Variants in SIDT1 observed in about 807,000 individuals in gnomAD.
SIDT1 encodes the protein SID1 transmembrane family member 1.
A neutral mutation model predicts 107.5 loss-of-function variants in SIDT1; 101 were observed. The observed-to-expected ratio is 0.94, with a 90% CI of 0.80 to 1.11. SIDT1 has a LOEUF of 1.11. SIDT1 is among the 50% of genes least tolerant of loss of function. The pLI is 0.00. For synonymous variants in SIDT1, 395 were observed against 398.2 expected, an observed-to-expected ratio of 0.99 and a Z score of 0.10; for missense variants, 1,076 against 1,058.2, an observed-to-expected ratio of 1.02 and a Z score of -0.23.
intron 20 of SIDT1, among the ~76,000 whole-genome samples, chr3:113,617,935 T>A (rs1199458229): frequency 1.3e-5 from 2 of 152,224 alleles, no homozygotes; most frequent in Admixed American, 1.3e-4. Context: ...GACACATCAT[T>A]ACTACCCATG....
At chr3:113,548,306 A>G (rs1309887396) in intron 1 of SIDT1, among the ~76,000 whole-genome samples, 1 of 152,172 alleles carries the variant, frequency 6.6e-6, no homozygotes, top group Non-Finnish European at 1.5e-5. Context: ...TGAGAAATAC[A>G]TAATGTTGTG....
intron 3 of SIDT1, among the ~76,000 whole-genome samples, chr3:113,573,697 G>C (rs1273443174): frequency 2.0e-5 from 3 of 152,146 alleles, no homozygotes; most frequent in Admixed American, 6.5e-5. Context: ...AGAGTCCCCA[G>C]AAAGGCCCTC....
rs1251525475 is a variant in SIDT1, at chr3:113,593,988, C to T, written c.1045+940C>T. ...ATTTTTGAAAAACCTAAACTCAGTG[C>T]TCATAGGTTATTTGGCATAGAGCAA... is the stretch of plus-strand genomic sequence containing the variant. On this transcript the variant is annotated intron_variant, in intron 10 of 24. Coordinates refer to ENST00000264852, the MANE Select transcript of SIDT1 (RefSeq NM_017699.3). 2.0e-5 allele frequency among the ~76,000 whole-genome samples: 3 copies of T among 152,078 alleles called. No homozygotes were observed. In the East Asian group the frequency reaches 5.8e-4, roughly 29 times the overall value.
chr3:113,612,016 A>C, intron 18 of SIDT1, 70 bp from the exon 19 acceptor site: 1 of 1,099,274 alleles, frequency 9.1e-7, no homozygotes, highest in Non-Finnish European at 1.4e-6. Context: ...CACATACAGG[A>C]GAGAGGATGA....
chr3:113,562,064 C>A (rs890073961), intron 1 of SIDT1, among the ~76,000 whole-genome samples: 3 of 152,172 alleles, frequency 2.0e-5, no homozygotes, highest in African/African-American at 7.2e-5. Flanking sequence ...TTCTGCCAGG[C>A]ACCAAGGATG....
intron 24 of SIDT1, among the ~76,000 whole-genome samples, chr3:113,626,844 C>T (rs780973548): frequency 2.0e-5 from 3 of 152,250 alleles, no homozygotes; most frequent in Middle Eastern, 3.4e-3. Context: ...TAGGCAGGTT[C>T]AATTGACAAT....
In SIDT1 at chr3:113,612,317, A is replaced by G. The variant is rs1945815626; in HGVS notation, c.1966+123A>G. The stretch of plus-strand genomic sequence containing the variant: ...ACCGTGAACACATGCTCTGAATTCT[A>G]TGCCATGTTTAATAGCACATATTCG... On this transcript the variant is annotated intron_variant, in intron 19 of 24. Transcript: ENST00000264852. 12 of 747,900 alleles carry G rather than the reference A, an allele frequency of 1.6e-5. No homozygotes were observed. The South Asian group carries it at 1.8e-4, about 11-fold the overall frequency. The allele number at this position is 747,900 out of a possible 1,614,324, so 46.3% of individuals were successfully genotyped here.
intron 23 of SIDT1, among the ~76,000 whole-genome samples, chr3:113,624,432 T>C (rs1425595820): frequency 6.6e-6 from 1 of 152,236 alleles, no homozygotes; most frequent in Non-Finnish European, 1.5e-5. Flanking sequence ...TACATAGTAC[T>C]TCATGTCTAT....
intron 1 of SIDT1, among the ~76,000 whole-genome samples, chr3:113,537,369 A>T (rs950717681): frequency 6.6e-6 from 1 of 152,214 alleles, no homozygotes; most frequent in African/African-American, 2.4e-5. Flanking sequence ...AAGCCTACCC[A>T]GTCCTTAAGA....
chr3:113,544,806 C>T (rs1939389715), intron 1 of SIDT1, among the ~76,000 whole-genome samples: 1 of 152,014 alleles, frequency 6.6e-6, no homozygotes, highest in Non-Finnish European at 1.5e-5. Context: ...TACTGTTTCC[C>T]TTTTATAATT....
intron 1 of SIDT1, among the ~76,000 whole-genome samples, chr3:113,551,279 C>A (rs1027711189): frequency 6.6e-6 from 1 of 152,150 alleles, no homozygotes; most frequent in African/African-American, 2.4e-5. Context: ...GGCATATACC[C>A]AGTAATGTGA....
chr3:113,584,351 C>G (rs1371534123), intron 7 of SIDT1, among the ~76,000 whole-genome samples: 1 of 152,212 alleles, frequency 6.6e-6, no homozygotes, highest in African/African-American at 2.4e-5. Flanking sequence ...GAGGTAGCTT[C>G]TGTTTTCACA....
At chr3:113,571,705 G>A (rs545956884) in intron 3 of SIDT1, among the ~76,000 whole-genome samples, 3 of 152,294 alleles carry the variant, frequency 2.0e-5, no homozygotes, top group African/African-American at 4.8e-5. Context: ...AGACCAAGGC[G>A]GGCAGATCAC....
chr3:113,599,667 T>A (rs752274015), intron 10 of SIDT1, among the ~76,000 whole-genome samples: 1 of 152,158 alleles, frequency 6.6e-6, no homozygotes, highest in Non-Finnish European at 1.5e-5. Flanking sequence ...CTCTCTTATA[T>A]GTGAAATCTT....
intron 1 of SIDT1, among the ~76,000 whole-genome samples, chr3:113,559,343 A>G (rs1327494138): frequency 6.6e-6 from 1 of 152,182 alleles, no homozygotes. Flanking sequence ...TGTTGCAAAC[A>G]TGGTATTGTC....
At chr3:113,626,347 T>C (rs1946850181) in intron 24 of SIDT1, 132 bp downstream of exon 24, 2 of 599,804 alleles carry the variant, frequency 3.3e-6, no homozygotes, top group South Asian at 2.1e-5. Flanking sequence ...TGTAATTCAA[T>C]GTACAGACCA....
At chr3:113,605,200 G>A (rs1034655452) in intron 14 of SIDT1, among the ~76,000 whole-genome samples, 2 of 148,414 alleles carry the variant, frequency 1.3e-5, no homozygotes, top group Admixed American at 6.9e-5. Flanking sequence ...TCGGCTCACT[G>A]CAACCTCTGC....
chr3:113,580,021 T>C (rs1943208007), intron 4 of SIDT1, among the ~76,000 whole-genome samples: 1 of 152,218 alleles, frequency 6.6e-6, no homozygotes, highest in Admixed American at 6.5e-5. Flanking sequence ...CAATTGTGAA[T>C]GTATTTCTGG....
chr3:113,613,986 G>T (rs1945930779), intron 19 of SIDT1, among the ~76,000 whole-genome samples: 1 of 152,190 alleles, frequency 6.6e-6, no homozygotes, highest in African/African-American at 2.4e-5. Flanking sequence ...GATGTGGATG[G>T]GGTAGAGGGG....
Sources: gnomAD v4.1 joint callset for allele counts (sites outside exome capture counted in the v4.1 genomes callset) on GRCh38, gnomAD v4.1.1 for gene constraint, MANE v1.5 for transcripts, NCBI Gene and HGNC (gene_info 2026-07-23, HGNC 2026-07-21) for gene names.